Variants in HMSD observed in about 807,000 individuals in gnomAD.
HMSD encodes serpin-like protein HMSD.
In HMSD, 13 loss-of-function variants were observed where a neutral mutation model predicts 10.0. The observed-to-expected ratio is 1.31, with a 90% CI of 0.85 to 2.08. The LOEUF is 2.08. HMSD is among the 30% of genes most tolerant of loss of function. HMSD has a pLI of 0.00. For synonymous variants in HMSD, 51 were observed against 54.2 expected (o/e 0.94, Z 0.26); for missense variants, 169 against 166.3 (o/e 1.02, Z -0.09).
chr18:63,957,734 C>T (rs953992710), intron 3 of HMSD, among the ~76,000 whole-genome samples: 2 of 151,962 alleles, frequency 1.3e-5, no homozygotes, highest in African/African-American at 4.8e-5. Context: ...AATATCAATT[C>T]GTGGTGGATA....
At chr18:63,967,131 GACTC>G (rs2050413129) in intron 3 of HMSD, among the ~76,000 whole-genome samples, 5 of 82,142 alleles carry the variant, frequency 6.1e-5, no homozygotes, top group East Asian at 6.4e-4. Flanking sequence ...ACTCCGGTGA[GACTC>G]TTTGTTTTTT....
chr18:63,963,160 C>T (rs2050396877), downstream of HMSD, among the ~76,000 whole-genome samples: 1 of 135,930 alleles, frequency 7.4e-6, no homozygotes, highest in African/African-American at 2.7e-5. Flanking sequence ...TCTCTTCTTT[C>T]TTTCTCTCTC....
chr18:63,949,442 C>T (rs1246454226), intron 1 of HMSD, 42 bp downstream of exon 1: 3 of 152,400 alleles, frequency 2.0e-5, no homozygotes, highest in African/African-American at 7.2e-5. Context: ...ACGCTGGATT[C>T]TCGTTACCTG....
intron 1 of HMSD, among the ~76,000 whole-genome samples, chr18:63,950,340 T>C (rs1015184193): frequency 3.0e-5 from 4 of 135,090 alleles, no homozygotes; most frequent in Non-Finnish European, 4.5e-5. Flanking sequence ...CGCTTGAACC[T>C]GGGAGGCAGA....
At chr18:63,957,303 G>A (rs530674814) in intron 3 of HMSD, among the ~76,000 whole-genome samples, 43 of 116,652 alleles carry the variant, frequency 3.7e-4, no homozygotes, top group African/African-American at 2.3e-3. Flanking sequence ...AACAAGAGAA[G>A]CAACAAAAAA....
At chr18:63,953,322 A>G in intron 1 of HMSD, 32 bp from the exon 2 acceptor site, 1 of 643,856 alleles carries the variant, frequency 1.6e-6, no homozygotes, top group Non-Finnish European at 2.8e-6. Flanking sequence ...GCCTATATTA[A>G]TGTAATATTG....
At chr18:63,950,039 C>T (rs694988) in intron 1 of HMSD, among the ~76,000 whole-genome samples, 1 of 152,136 alleles carries the variant, frequency 6.6e-6, no homozygotes, top group East Asian at 1.9e-4. Flanking sequence ...TGAGAATTTG[C>T]TCAAGAACAA....
intron 3 of HMSD, among the ~76,000 whole-genome samples, chr18:63,967,368 A>G (rs2050414493): frequency 6.6e-6 from 1 of 152,158 alleles, no homozygotes; most frequent in Non-Finnish European, 1.5e-5. Context: ...TCCTGACCTC[A>G]GGTGATCCGC....
chr18:63,955,681 G>A (rs1392534154), intron 3 of HMSD, among the ~76,000 whole-genome samples: 2 of 149,162 alleles, frequency 1.3e-5, no homozygotes, highest in African/African-American at 5.0e-5. Context: ...TGATGCTGGC[G>A]TCACCGAGAG....
At chr18:63,955,410 A>C (rs1428900628) in intron 3 of HMSD, among the ~76,000 whole-genome samples, 1 of 152,190 alleles carries the variant, frequency 6.6e-6, no homozygotes, top group Non-Finnish European at 1.5e-5. Flanking sequence ...CATTACAGAC[A>C]GGAGTATTTC....
chr18:63,968,663 G>C (rs1465239621), intron 3 of HMSD: 2 of 152,220 alleles, frequency 1.3e-5, no homozygotes, highest in African/African-American at 4.8e-5. Flanking sequence ...CTGTTTTGCT[G>C]GTCAAAGAGG....
At chr18:63,957,437 T>C (rs566007684) in intron 3 of HMSD, among the ~76,000 whole-genome samples, 1 of 152,338 alleles carries the variant, frequency 6.6e-6, no homozygotes, top group South Asian at 2.1e-4. Flanking sequence ...GGGTTGTATG[T>C]CTTTTTCTTA....
chr18:63,954,378 T>C, intron 2 of HMSD, 30 bp from the exon 3 acceptor site: 1 of 1,543,806 alleles, frequency 6.5e-7, no homozygotes. Flanking sequence ...ATACTGAGAA[T>C]GTGTATGTTT....
intron 1 of HMSD, among the ~76,000 whole-genome samples, chr18:63,952,056 G>T (rs551299553): frequency 7.1e-4 from 104 of 145,712 alleles, no homozygotes; most frequent in Non-Finnish European, 1.4e-3. Context: ...ACCAAACACC[G>T]CATATTCTCA....
At chr18:63,954,373 G>A in intron 2 of HMSD, 35 bp from the exon 3 acceptor site, 8 of 1,526,714 alleles carry the variant, frequency 5.2e-6, no homozygotes, top group Non-Finnish European at 7.2e-6. Context: ...ACAGAATACT[G>A]AGAATGTGTA....
chr18:63,963,103 T>G (rs1196413100), downstream of HMSD, among the ~76,000 whole-genome samples: 1 of 134,998 alleles, frequency 7.4e-6, no homozygotes, highest in African/African-American at 3.2e-5. Flanking sequence ...CTTTCTTTCT[T>G]TCTTTCTTTC....
In HMSD at chr18:63,954,474, G is replaced by A; in HGVS notation, c.139G>A (p.Val47Ile). 6.2e-7 allele frequency: 1 copy of A among 1,613,344 alleles called. No homozygotes were observed. The highest frequency in any genetic ancestry group is 8.5e-7 in the Non-Finnish European group (1 of 1,179,298). Residue 47 changes from valine (V) to isoleucine (I), a missense_variant, in exon 3 of 4, where the codon GTT (valine) becomes ATT (isoleucine). Val to Ile is a conservative substitution (Grantham distance 29). Coordinates refer to ENST00000408945, the MANE Select transcript of HMSD (RefSeq NM_001123366.2). ...DIHRGFQSLL[V>I]AINRTDTEYV... ...TCATCGAGGTTTTCAGTCACTTCTT[G>A]TTGCAATTAACAGAACTGACACTGA...
At chr18:63,963,140 TTC>T, downstream of HMSD, among the ~76,000 whole-genome samples, 2 of 137,636 alleles carry the variant, frequency 1.5e-5, no homozygotes, top group African/African-American at 5.2e-5. Context: ...TTTCCTTTCT[TTC>T]TTCTCTCTCT....
At position 63,954,563 on chromosome 18, in the gene HMSD, T is replaced by A; in HGVS notation, c.222+6T>A. 6.2e-7 allele frequency: 1 copy of A among 1,604,292 alleles called. No homozygotes were observed. Among genetic ancestry groups the A allele is most frequent in the Non-Finnish European group, 8.5e-7 (1 of 1,173,634 alleles). ...AGTCTTATGATTTCCTCACAGTAAG[T>A]CATACTTGTTTATTAGGAAAATAAA... is the stretch of plus-strand genomic sequence containing the variant. On this transcript the variant is annotated splice_donor_region_variant and intron_variant, in intron 3 of 3. Coordinates refer to ENST00000408945, the MANE Select transcript of HMSD (RefSeq NM_001123366.2).
Sources: gnomAD v4.1 joint callset for allele counts (sites outside exome capture counted in the v4.1 genomes callset) on GRCh38, gnomAD v4.1.1 for gene constraint, MANE v1.5 for transcripts, NCBI Gene and HGNC (gene_info 2026-07-23, HGNC 2026-07-21) for gene names.